TASP1: variants seen among roughly 807,000 people sequenced by gnomAD.
TASP1 encodes taspase 1.
Under a neutral mutation model 56.6 loss-of-function variants are expected in TASP1, and 16 were observed. The ratio of observed to expected loss-of-function variants is 0.28; its 90% CI spans 0.19 to 0.43. The LOEUF (loss-of-function observed/expected upper bound fraction) is 0.43, where lower values mean the gene tolerates loss of function less well. TASP1 is among the 20% of genes least tolerant of loss of function. The pLI is 1.00. For synonymous variants in TASP1, 179 were observed against 184.2 expected (o/e 0.97, Z 0.23); for missense variants, 393 against 511.6 (o/e 0.77, Z 2.24).
chr20:13,305,222 C>T, the TASP1 span, among the ~76,000 whole-genome samples: 5 of 148,152 alleles, frequency 3.4e-5, no homozygotes, highest in Admixed American at 2.0e-4. Context: ...AAAAAAAACC[C>T]TTAATTTTTA....
the TASP1 span, chr20:13,237,727 G>T: frequency 6.6e-6 from 1 of 152,192 alleles, no homozygotes; most frequent in Non-Finnish European, 1.5e-5. Flanking sequence ...TAATAAAAGA[G>T]TAAAGAATGC....
At chr20:13,456,748 G>A (rs978790189) in intron 11 of TASP1, among the ~76,000 whole-genome samples, 2 of 151,742 alleles carry the variant, frequency 1.3e-5, no homozygotes, top group Non-Finnish European at 2.9e-5. Context: ...AATTTATACA[G>A]GAGCAAGCAC....
chr20:13,154,050 C>T, the TASP1 span: 1 of 1,614,144 alleles, frequency 6.2e-7, no homozygotes, highest in Non-Finnish European at 8.5e-7. Flanking sequence ...ATACTTCAGA[C>T]AAAGACTGCA....
At chr20:13,391,824 C>T (rs1600656249) in intron 13 of TASP1, among the ~76,000 whole-genome samples, 1 of 151,734 alleles carries the variant, frequency 6.6e-6, no homozygotes, top group East Asian at 2.0e-4. Context: ...AAAAATTAGC[C>T]AGGCGTGGTG....
chr20:13,336,840 C>T, the TASP1 span, among the ~76,000 whole-genome samples: 1 of 152,076 alleles, frequency 6.6e-6, no homozygotes. Flanking sequence ...TATAACTACA[C>T]CAGAATGGTT....
intron 13 of TASP1, among the ~76,000 whole-genome samples, chr20:13,397,618 G>A (rs1161332507): frequency 1.3e-5 from 2 of 152,128 alleles, no homozygotes; most frequent in African/African-American, 4.8e-5. Flanking sequence ...GGTTTTCAGG[G>A]TGAATCAGAG....
In TASP1 at chr20:13,569,602, T is replaced by A. The variant is rs1188348041; in HGVS notation, c.489-16A>T. On this transcript the variant is annotated splice_polypyrimidine_tract_variant and intron_variant, in intron 6 of 13. Transcript: ENST00000337743. ...AACTAAAAAGCTAACAACAGAAAAA[T>A]TATTTTTAAAATTCACAGTGTCATC... The A allele has an allele frequency of 1.9e-6, 3 of 1,606,544 alleles. No homozygotes were observed. The highest frequency in any genetic ancestry group is 1.7e-5 in the Admixed American group (1 of 59,838).
At chr20:13,438,463 T>C (rs1188916335) in intron 11 of TASP1, among the ~76,000 whole-genome samples, 1 of 152,212 alleles carries the variant, frequency 6.6e-6, no homozygotes, top group East Asian at 1.9e-4. Context: ...TGTAGAAAGC[T>C]GAAACTGGAT....
chr20:13,555,111 C>T (rs1212456489), intron 8 of TASP1, among the ~76,000 whole-genome samples: 1 of 152,088 alleles, frequency 6.6e-6, no homozygotes, highest in Non-Finnish European at 1.5e-5. Flanking sequence ...TGGCTGGGCA[C>T]GGTGGCTCAT....
chr20:13,521,323 A>T (rs1482099817), intron 10 of TASP1, among the ~76,000 whole-genome samples: 3 of 152,190 alleles, frequency 2.0e-5, no homozygotes, highest in South Asian at 4.1e-4. Flanking sequence ...ACACATGCAC[A>T]CGTATGTTTA....
the TASP1 span, among the ~76,000 whole-genome samples, chr20:13,199,917 AC>A: frequency 6.6e-6 from 1 of 152,184 alleles, no homozygotes. Context: ...AGACTCAATA[AC>A]TTTTCCACTT....
At chr20:13,437,975 C>T (rs2043070098) in intron 11 of TASP1, among the ~76,000 whole-genome samples, 1 of 152,106 alleles carries the variant, frequency 6.6e-6, no homozygotes. Flanking sequence ...CATCAAGCTA[C>T]CAATGACTTT....
chr20:13,569,084 G>A (rs189836403), intron 7 of TASP1, among the ~76,000 whole-genome samples: 15 of 152,072 alleles, frequency 9.9e-5, no homozygotes, highest in African/African-American at 3.4e-4. Flanking sequence ...CTGTTTTTCA[G>A]TTTAACTCTA....
At chr20:13,409,460 A>G (rs1476335358) in intron 13 of TASP1, among the ~76,000 whole-genome samples, 1 of 152,104 alleles carries the variant, frequency 6.6e-6, no homozygotes, top group Non-Finnish European at 1.5e-5. Context: ...AATTGAATGG[A>G]CCACATTTTC....
chr20:13,332,630 T>A, the TASP1 span, among the ~76,000 whole-genome samples: 1 of 152,212 alleles, frequency 6.6e-6, no homozygotes, highest in East Asian at 1.9e-4. Flanking sequence ...ATTCATATAC[T>A]CAACTTCTAC....
intron 11 of TASP1, among the ~76,000 whole-genome samples, chr20:13,466,900 C>A (rs2044279091): frequency 1.3e-5 from 2 of 152,102 alleles, no homozygotes; most frequent in Admixed American, 6.6e-5. Flanking sequence ...TAAACCTAAT[C>A]TCATTGTATC....
chr20:13,614,856 G>A (rs1600170662), intron 4 of TASP1: 1 of 468,262 alleles, frequency 2.1e-6, no homozygotes, highest in African/African-American at 2.0e-5. Context: ...CACAGTACCT[G>A]AAATTGTCCT....
intron 10 of TASP1, among the ~76,000 whole-genome samples, chr20:13,513,842 G>A (rs919990416): frequency 2.0e-5 from 3 of 151,984 alleles, no homozygotes; most frequent in Admixed American, 2.0e-4. Context: ...ATTCTGATAT[G>A]AAAAGCTACA....
intron 5 of TASP1, among the ~76,000 whole-genome samples, chr20:13,583,723 G>A (rs946701587): frequency 1.3e-5 from 2 of 152,086 alleles, no homozygotes; most frequent in African/African-American, 2.4e-5. Flanking sequence ...GCCTCATAAC[G>A]GTATTACATA....
Sources: gnomAD v4.1 joint callset for allele counts (sites outside exome capture counted in the v4.1 genomes callset) on GRCh38, gnomAD v4.1.1 for gene constraint, MANE v1.5 for transcripts, NCBI Gene and HGNC (gene_info 2026-07-23, HGNC 2026-07-21) for gene names.